The following PPARGC1A variants were observed in gnomAD, a reference collection of about 807,000 sequenced individuals.
The protein encoded by PPARGC1A is PPARG coactivator 1 alpha.
PPARGC1A carries 25 observed loss-of-function variants against 88.7 expected under a neutral mutation model. That is an observed-to-expected ratio of 0.28 (90% confidence interval 0.21 to 0.39). PPARGC1A has a LOEUF of 0.39. Ranked by LOEUF, PPARGC1A falls within the 10% of genes least tolerant of loss-of-function variation. PPARGC1A has a pLI of 1.00. For missense variants in PPARGC1A, 880 were observed against 968.7 expected, an observed-to-expected ratio of 0.91 and a Z score of 1.22; for synonymous variants, 363 against 355.6, an observed-to-expected ratio of 1.02 and a Z score of -0.24.
the PPARGC1A span, among the ~76,000 whole-genome samples, chr4:24,095,017 T>C: frequency 2.6e-5 from 4 of 152,320 alleles, no homozygotes; most frequent in Non-Finnish European, 5.9e-5. Context: ...GAGATTCTTT[T>C]TTTAAAGTAT....
Position 23,814,062 on chromosome 4 carries a change from A to G in PPARGC1A, c.1421T>C (p.Phe474Ser), listed in dbSNP as rs1721465435. The change falls in exon 8 of 13, where the codon TTT becomes TCT. Residue 474 changes from phenylalanine (F) to serine (S), a missense_variant. Phe to Ser is a radical substitution (Grantham distance 155). Transcript: ENST00000264867. ...KHFGHPSQAV[F>S]DDEADKTGEL... Reference sequence around the variant, plus strand: ...ACCGGTCTTGTCTGCTTCGTCGTCAAAAACAGCTTGACTGGGATGACCGAA... The same window carrying G: ...ACCGGTCTTGTCTGCTTCGTCGTCAGAAACAGCTTGACTGGGATGACCGAA... 1.2e-6 allele frequency: 2 copies of G among 1,613,926 alleles called. No individual in the cohort carries two copies. Among genetic ancestry groups the G allele is most frequent in the Non-Finnish European group, 1.7e-6 (2 of 1,179,970 alleles).
chr4:24,174,337 T>A, the PPARGC1A span, among the ~76,000 whole-genome samples: 1 of 152,158 alleles, frequency 6.6e-6, no homozygotes, highest in Non-Finnish European at 1.5e-5. Flanking sequence ...CGCCCAGAGA[T>A]TTAAGAGTGA....
the PPARGC1A span, among the ~76,000 whole-genome samples, chr4:24,040,575 A>G: frequency 6.6e-6 from 1 of 152,166 alleles, no homozygotes; most frequent in East Asian, 1.9e-4. Context: ...GCTTTTTAAG[A>G]GTACATTAGT....
chr4:24,370,122 A>G, the PPARGC1A span, among the ~76,000 whole-genome samples: 1 of 152,240 alleles, frequency 6.6e-6, no homozygotes, highest in African/African-American at 2.4e-5. Context: ...TAAAGATGTT[A>G]ACTTTTTGGT....
chr4:24,331,813 A>G, the PPARGC1A span, among the ~76,000 whole-genome samples: 1 of 151,462 alleles, frequency 6.6e-6, no homozygotes, highest in Non-Finnish European at 1.5e-5. Context: ...CATGTGCAGA[A>G]CGTGCAGGTT....
the PPARGC1A span, among the ~76,000 whole-genome samples, chr4:23,964,495 G>T: frequency 6.6e-6 from 1 of 152,192 alleles, no homozygotes; most frequent in Non-Finnish European, 1.5e-5. Flanking sequence ...GCAGAATATA[G>T]AAAGAGAAGC....
the PPARGC1A span, among the ~76,000 whole-genome samples, chr4:24,443,011 C>A: frequency 6.6e-6 from 1 of 152,174 alleles, no homozygotes. Context: ...TTTCTGCCTT[C>A]TGCCATTTCC....
At chr4:23,846,623 A>C (rs1482573201) in intron 2 of PPARGC1A, among the ~76,000 whole-genome samples, 2 of 152,174 alleles carry the variant, frequency 1.3e-5, no homozygotes, top group African/African-American at 4.8e-5. Context: ...TCTGTGCATC[A>C]AAATTAGTGT....
At chr4:24,422,251 A>G in the PPARGC1A span, among the ~76,000 whole-genome samples, 13 of 152,248 alleles carry the variant, frequency 8.5e-5, no homozygotes, top group African/African-American at 3.1e-4. Flanking sequence ...TGAAGCCTAT[A>G]ATATTAACCT....
the PPARGC1A span, among the ~76,000 whole-genome samples, chr4:24,261,564 T>C: frequency 6.6e-6 from 1 of 152,244 alleles, no homozygotes; most frequent in Non-Finnish European, 1.5e-5. Flanking sequence ...CCAATTATGA[T>C]TTGCTTTATT....
the PPARGC1A span, among the ~76,000 whole-genome samples, chr4:24,448,095 G>A: frequency 3.3e-5 from 5 of 152,076 alleles, no homozygotes; most frequent in Non-Finnish European, 5.9e-5. Context: ...CTTTTATCAC[G>A]CTAGATTTTT....
the PPARGC1A span, among the ~76,000 whole-genome samples, chr4:24,252,410 C>G: frequency 6.6e-6 from 1 of 152,134 alleles, no homozygotes. Flanking sequence ...TGTGTTTCTG[C>G]CTTTCGTGGT....
chr4:24,460,533 G>A, the PPARGC1A span, among the ~76,000 whole-genome samples: 1 of 152,106 alleles, frequency 6.6e-6, no homozygotes. Context: ...TTAATTGGGA[G>A]AAATAATTTT....
At chr4:24,180,165 C>A in the PPARGC1A span, among the ~76,000 whole-genome samples, 1 of 152,286 alleles carries the variant, frequency 6.6e-6, no homozygotes, top group South Asian at 2.1e-4. Flanking sequence ...TATAACATTA[C>A]ATTTTTAATT....
the PPARGC1A span, among the ~76,000 whole-genome samples, chr4:24,112,588 G>A: frequency 6.6e-6 from 1 of 152,146 alleles, no homozygotes; most frequent in Non-Finnish European, 1.5e-5. Flanking sequence ...AGGGCTATCT[G>A]CTTCCAAGAG....
chr4:24,240,124 C>T, the PPARGC1A span, among the ~76,000 whole-genome samples: 5 of 152,048 alleles, frequency 3.3e-5, no homozygotes, highest in African/African-American at 9.7e-5. Context: ...TAAATTAATG[C>T]CCTTAAAAGA....
At chr4:23,912,488 G>A in the PPARGC1A span, among the ~76,000 whole-genome samples, 2 of 152,182 alleles carry the variant, frequency 1.3e-5, no homozygotes, top group Admixed American at 6.5e-5. Context: ...CACTAGTTTA[G>A]ATGTTGCTGT....
the PPARGC1A span, among the ~76,000 whole-genome samples, chr4:24,288,584 T>A: frequency 1.3e-5 from 2 of 152,322 alleles, no homozygotes; most frequent in East Asian, 3.9e-4. Flanking sequence ...TAAAATGTGT[T>A]TTATGACACT....
At chr4:24,414,803 G>A in the PPARGC1A span, among the ~76,000 whole-genome samples, 1 of 152,114 alleles carries the variant, frequency 6.6e-6, no homozygotes, top group East Asian at 1.9e-4. Flanking sequence ...CAGGAGGAGG[G>A]GGTGGCCTTG....
Sources: gnomAD v4.1 joint callset for allele counts (sites outside exome capture counted in the v4.1 genomes callset) on GRCh38, gnomAD v4.1.1 for gene constraint, MANE v1.5 for transcripts, NCBI Gene and HGNC (gene_info 2026-07-23, HGNC 2026-07-21) for gene names.